Variants in SEZ6 observed in about 807,000 individuals in gnomAD.
SEZ6 encodes seizure protein 6 homolog.
Under a neutral mutation model 101.0 loss-of-function variants are expected in SEZ6, and 53 were observed. The observed-to-expected ratio is 0.52, with a 90% CI of 0.42 to 0.66. The LOEUF (loss-of-function observed/expected upper bound fraction) is 0.66. SEZ6 is among the 30% of genes least tolerant of loss of function. The probability of loss-of-function intolerance (pLI) is 0.00; values close to 1 mark genes in which losing one functional copy is unlikely to be tolerated. For synonymous variants in SEZ6, 488 were observed against 512.2 expected (o/e 0.95, Z 0.64); for missense variants, 1,102 against 1,289.4 (o/e 0.85, Z 2.23).
intron 3 of SEZ6, among the ~76,000 whole-genome samples, chr17:28,970,246 C>T (rs1244482333): frequency 6.6e-6 from 1 of 152,198 alleles, no homozygotes; most frequent in Non-Finnish European, 1.5e-5. Flanking sequence ...TTCAGATACA[C>T]CAGCTGCTTC....
intron 3 of SEZ6, among the ~76,000 whole-genome samples, chr17:28,970,909 G>A (rs1203354543): frequency 6.6e-6 from 1 of 152,178 alleles, no homozygotes; most frequent in Non-Finnish European, 1.5e-5. Context: ...CCCTCCGCAT[G>A]TCAATCGTGA....
At chr17:28,970,335 C>T (rs1164065097) in intron 3 of SEZ6, among the ~76,000 whole-genome samples, 1 of 152,100 alleles carries the variant, frequency 6.6e-6, no homozygotes, top group Non-Finnish European at 1.5e-5. Context: ...AGATGGTGTC[C>T]GAGGCCCTGG....
intron 2 of SEZ6, among the ~76,000 whole-genome samples, 176 bp from the exon 3 acceptor site, chr17:28,979,989 C>A (rs2041275888): frequency 6.6e-6 from 1 of 150,874 alleles, no homozygotes; most frequent in South Asian, 2.1e-4. Flanking sequence ...TTTTATTAGG[C>A]ACCTACCATG....
At chr17:28,983,539 T>C (rs2041339053) in intron 1 of SEZ6, among the ~76,000 whole-genome samples, 1 of 152,112 alleles carries the variant, frequency 6.6e-6, no homozygotes, top group African/African-American at 2.4e-5. Context: ...GAGGTACAGA[T>C]TGCTCTGCTA....
In SEZ6 at chr17:28,960,605, G is replaced by A. The variant is rs1246073360; in HGVS notation, c.1476C>T (p.Tyr492=). ...PPVYDSYEVE[Y]LPIEGLLSSG... ...AGCTGAGCAGGCCCTCAATGGGCAGGTATTCCACCTCATAGGAATCATACA... is the reference window on the plus strand; with the variant it reads ...AGCTGAGCAGGCCCTCAATGGGCAGATATTCCACCTCATAGGAATCATACA... The change falls in exon 7 of 17, where the codon TAC becomes TAT. Residue 492 remains tyrosine (Y), a synonymous_variant. Transcript: ENST00000317338. The A allele has an allele frequency of 3.1e-6, 5 of 1,591,762 alleles. No homozygotes were observed. Among genetic ancestry groups the A allele is most frequent in the Admixed American group, 1.8e-5 (1 of 56,094 alleles).
Position 28,960,845 on chromosome 17 carries a change from G to T in SEZ6, c.1369C>A (p.Leu457Met), listed in dbSNP as rs2040966252. Reference sequence around the variant, plus strand: ...GCCAGGGAAACCTTCTCAAAGTGCAGGTGTAGCCGCTGGCCCTCAGGAGCC... The same window carrying T: ...GCCAGGGAAACCTTCTCAAAGTGCATGTGTAGCCGCTGGCCCTCAGGAGCC... The part of the protein sequence containing the change: ...LEAPEGQRLH[L>M]HFEKVSLAED... Residue 457 changes from leucine to methionine, a missense_variant, in exon 6 of 17, where the codon CTG (leucine) becomes ATG (methionine). Transcript: ENST00000317338. 1 of 1,613,980 alleles carries T rather than the reference G, an allele frequency of 6.2e-7. No individual in the cohort carries two copies. The highest frequency in any genetic ancestry group is 1.1e-5 in the South Asian group (1 of 91,086).
chr17:28,983,287 C>T (rs17721840), intron 1 of SEZ6, among the ~76,000 whole-genome samples: 2,378 of 152,300 alleles, frequency 0.016, 44 homozygotes, highest in South Asian at 0.066. Flanking sequence ...TTCCCTTAAT[C>T]TTTCTGGTGA....
rs1445245641 is a variant in SEZ6 at position 28,959,959 on chromosome 17, C to T, written c.1577-67G>A. ...ATTAAACACAGTGGGCAAGCATCCC[C>T]CTACTTCCCTCCCCAGAGCCTTTCT... On this transcript the variant is annotated intron_variant, in intron 7 of 16. Transcript: ENST00000317338. This position sits in a 1 kb window ranked among gnomAD's most constrained non-coding sequence, Gnocchi z 4.4. The T allele has an allele frequency of 6.7e-7, 1 of 1,498,056 alleles. No homozygotes were observed. The highest frequency in any genetic ancestry group is 1.2e-5 in the South Asian group (1 of 81,388). 92.8% of individuals were successfully genotyped at this position (1,498,056 alleles called of 1,614,324 possible). A position where few individuals can be genotyped will look rare whatever the true frequency, so the allele number is the denominator to read the frequency against.
intron 3 of SEZ6, among the ~76,000 whole-genome samples, chr17:28,973,373 G>C (rs986895316): frequency 6.6e-6 from 1 of 152,170 alleles, no homozygotes; most frequent in African/African-American, 2.4e-5. Context: ...GTCTTGGCTT[G>C]GCCTGGCTTT....
chr17:28,999,783 T>C (rs1021984411), intron 1 of SEZ6, among the ~76,000 whole-genome samples: 8 of 152,084 alleles, frequency 5.3e-5, no homozygotes, highest in African/African-American at 1.9e-4. Context: ...GGTCCTCTCA[T>C]TCACAAAGCC....
At chr17:28,989,926 G>A (rs1273924352) in intron 1 of SEZ6, among the ~76,000 whole-genome samples, 4 of 152,150 alleles carry the variant, frequency 2.6e-5, no homozygotes, top group African/African-American at 4.8e-5. Context: ...ACAAAAGTTA[G>A]CTGGGCGTGG....
At chr17:28,974,471 C>T (rs2041195429) in intron 3 of SEZ6, among the ~76,000 whole-genome samples, 1 of 152,218 alleles carries the variant, frequency 6.6e-6, no homozygotes, top group Non-Finnish European at 1.5e-5. Flanking sequence ...ATAGGATAAT[C>T]ACAATTTTCC....
intron 4 of SEZ6, among the ~76,000 whole-genome samples, chr17:28,968,422 C>G (rs922006300): frequency 6.6e-6 from 1 of 152,202 alleles, no homozygotes; most frequent in African/African-American, 2.4e-5. Flanking sequence ...TCTGGCCCGA[C>G]AGAGAGGAGG....
Position 28,959,452 on chromosome 17 carries a change from T to C in SEZ6, c.1792A>G (p.Thr598Ala). Residue 598 changes from threonine (T) to alanine (A), a missense_variant, in exon 9 of 17, where the codon ACA (threonine) becomes GCA (alanine). Thr to Ala is a moderately conservative substitution (Grantham distance 58). Transcript: ENST00000317338. The surrounding 1 kb of genome is among the most constrained non-coding windows in gnomAD (Gnocchi z 4.4). ...ACRAVCSGEI[T>A]DSAGVVLSPN... The stretch of plus-strand genomic sequence containing the variant: ...GAGAGTACCACGCCAGCCGAGTCTG[T>C]GATCTCCCCGCTGCACACGGCTGGA... The C allele has an allele frequency of 1.2e-6, 2 of 1,613,568 alleles. No individual in the cohort carries two copies. Among genetic ancestry groups the C allele is most frequent in the Non-Finnish European group, 1.7e-6 (2 of 1,179,854 alleles).
At chr17:28,991,185 G>A (rs981773058) in intron 1 of SEZ6, among the ~76,000 whole-genome samples, 8 of 147,012 alleles carry the variant, frequency 5.4e-5, no homozygotes, top group African/African-American at 1.3e-4. Context: ...GATTACAGGC[G>A]TGAGCCACCA....
At position 29,005,763 on chromosome 17, in the gene SEZ6, C is replaced by A; in HGVS notation, c.55+52G>T. On this transcript the variant is annotated intron_variant, in intron 1 of 16. Coordinates refer to ENST00000317338, the MANE Select transcript of SEZ6 (RefSeq NM_178860.5). This position sits in a 1 kb window ranked among gnomAD's most constrained non-coding sequence, Gnocchi z 4.8. Reference sequence around the variant, plus strand: ...GGGCACCGGGTCTCCCTTCCCACCCCTGGGGCCCCGCTCCCGCCCCCGTCC... The same window carrying A: ...GGGCACCGGGTCTCCCTTCCCACCCATGGGGCCCCGCTCCCGCCCCCGTCC... 6.8e-7 allele frequency: 1 copy of A among 1,467,722 alleles called. No homozygotes were observed. 90.9% of individuals were successfully genotyped at this position (1,467,722 alleles called of 1,614,324 possible).
chr17:28,981,251 A>T, intron 2 of SEZ6, 120 bp downstream of exon 2: 1 of 1,437,044 alleles, frequency 7.0e-7, no homozygotes, highest in Non-Finnish European at 9.1e-7. Context: ...TGCCTCCTGC[A>T]GGCTGGCCCT....
chr17:28,957,340 ACACT>A lies in SEZ6; in HGVS notation c.2494+4_2494+7del. 6.2e-7 allele frequency: 1 copy of A among 1,610,974 alleles called. No individual in the cohort carries two copies. The highest frequency in any genetic ancestry group is 8.5e-7 in the Non-Finnish European group (1 of 1,177,444). ...AGAGGTTTTCCCTCCTACTCAATTG[ACACT>A]TACGGAGACATTTAGGGGCCCGGTC... On this transcript the variant is annotated splice_donor_5th_base_variant and intron_variant, in intron 12 of 16. Transcript: ENST00000317338.
chr17:29,005,834 C>A lies in SEZ6; in HGVS notation c.36G>T (p.Leu12=), dbSNP rs1201972983. 2.0e-6 allele frequency: 3 copies of A among 1,486,292 alleles called. No individual in the cohort carries two copies. In the South Asian group the frequency reaches 3.7e-5, roughly 18 times the overall value. 92.1% of individuals were successfully genotyped at this position (1,486,292 alleles called of 1,614,324 possible). Residue 12 remains leucine (L), a synonymous_variant, in exon 1 of 17, where the codon CTG becomes CTT. Coordinates refer to ENST00000317338, the MANE Select transcript of SEZ6 (RefSeq NM_178860.5). This position sits in a 1 kb window ranked among gnomAD's most constrained non-coding sequence, Gnocchi z 4.8. ...RPVALLLLPS[L]LALLAHGLSL... ...CCTTACCGTGAGCCAGGAGCGCCAG[C>A]AGCGAGGGCAGGAGCAGCAGGGCTA...
Sources: gnomAD v4.1 joint callset for allele counts (sites outside exome capture counted in the v4.1 genomes callset) on GRCh38, gnomAD v4.1.1 for gene constraint, Gnocchi (gnomAD v3.1) non-coding constraint, MANE v1.5 for transcripts, NCBI Gene and HGNC (gene_info 2026-07-23, HGNC 2026-07-21) for gene names.